The following OR9Q1 variants were observed in gnomAD, a reference collection of about 807,000 sequenced individuals.
The protein encoded by OR9Q1 is olfactory receptor family 9 subfamily Q member 1, also known as olfactory receptor 9Q1.
For missense variants in OR9Q1, 374 were observed against 378.8 expected, an observed-to-expected ratio of 0.99 and a Z score of 0.11; for synonymous variants, 153 against 148.6, an observed-to-expected ratio of 1.03 and a Z score of -0.22.
chr11:58,156,093 A>G (rs1854405120), intron 2 of OR9Q1, among the ~76,000 whole-genome samples: 2 of 151,796 alleles, frequency 1.3e-5, no homozygotes, highest in African/African-American at 4.8e-5. Flanking sequence ...TTGTACTTTT[A>G]GTAGATGTGG....
At chr11:58,118,957 G>A in intron 2 of OR9Q1, 2 of 1,613,912 alleles carry the variant, frequency 1.2e-6, no homozygotes, top group South Asian at 2.2e-5. Flanking sequence ...GAGGGTGAAG[G>A]TGCAAGTGGT....
intron 2 of OR9Q1, among the ~76,000 whole-genome samples, chr11:58,156,703 T>C (rs942832141): frequency 5.3e-5 from 8 of 152,238 alleles, no homozygotes; most frequent in Non-Finnish European, 1.2e-4. Flanking sequence ...GGAGACAAGA[T>C]TCCCTGAGAC....
chr11:58,145,728 A>AT (rs568057551), intron 2 of OR9Q1, among the ~76,000 whole-genome samples: 7 of 151,978 alleles, frequency 4.6e-5, no homozygotes, highest in Non-Finnish European at 7.4e-5. Context: ...CAAAATATAG[A>AT]TTTTTTTTCT....
chr11:58,036,195 A>C (rs1385170281), intron 1 of OR9Q1, among the ~76,000 whole-genome samples: 1 of 152,176 alleles, frequency 6.6e-6, no homozygotes, highest in African/African-American at 2.4e-5. Flanking sequence ...AACTTAACTG[A>C]TAAATATGTG....
At chr11:58,139,127 C>A (rs1854217685) in intron 2 of OR9Q1, among the ~76,000 whole-genome samples, 1 of 151,886 alleles carries the variant, frequency 6.6e-6, no homozygotes, top group Non-Finnish European at 1.5e-5. Flanking sequence ...AAGAAAATAG[C>A]AAATATTAAC....
intron 1 of OR9Q1, among the ~76,000 whole-genome samples, chr11:58,036,019 G>A (rs1226812716): frequency 1.3e-5 from 2 of 149,474 alleles, no homozygotes; most frequent in African/African-American, 2.5e-5. Flanking sequence ...TTTTTCAATA[G>A]CATGTGCTCA....
At chr11:58,082,987 T>G (rs962258170) in intron 2 of OR9Q1, among the ~76,000 whole-genome samples, 10 of 151,434 alleles carry the variant, frequency 6.6e-5, no homozygotes, top group African/African-American at 2.2e-4. Flanking sequence ...AATGATAGTT[T>G]CTTTTGCTAT....
At chr11:58,139,890 A>C (rs1208872690) in intron 2 of OR9Q1, among the ~76,000 whole-genome samples, 10 of 151,704 alleles carry the variant, frequency 6.6e-5, no homozygotes, top group Non-Finnish European at 1.3e-4. Context: ...ACTAGTTTAC[A>C]GTCCCACCAA....
At chr11:58,156,519 A>G (rs3019059) in intron 2 of OR9Q1, among the ~76,000 whole-genome samples, 58,254 of 152,104 alleles carry the variant, frequency 0.38, 11,486 homozygotes, top group Admixed American at 0.45. Context: ...CTAATTCAGA[A>G]TGGTTTTCTT....
At chr11:58,168,521 C>T (rs187230852) in intron 2 of OR9Q1, among the ~76,000 whole-genome samples, 1 of 152,206 alleles carries the variant, frequency 6.6e-6, no homozygotes, top group Admixed American at 6.5e-5. Context: ...AGCATTCCTT[C>T]TCATAATTTA....
chr11:58,173,752 G>A (rs1252835139), intron 2 of OR9Q1, among the ~76,000 whole-genome samples: 2 of 152,068 alleles, frequency 1.3e-5, no homozygotes, highest in African/African-American at 2.4e-5. Context: ...GAATTGCTGT[G>A]GACCCACTGT....
chr11:58,092,488 T>G (rs1158016377), intron 2 of OR9Q1, among the ~76,000 whole-genome samples: 6 of 152,096 alleles, frequency 3.9e-5, no homozygotes, highest in Admixed American at 3.9e-4. Context: ...AAAAAATGAT[T>G]GTTGCTATCA....
chr11:58,048,469 G>A (rs1300572770), intron 1 of OR9Q1, among the ~76,000 whole-genome samples: 1 of 146,162 alleles, frequency 6.8e-6, no homozygotes, highest in African/African-American at 2.5e-5. Context: ...TGGCCAACAT[G>A]GTGAAACCCC....
In OR9Q1 at chr11:58,031,520, G is replaced by A. The variant is rs138150965; in HGVS notation, c.-93+7416G>A. 6.5e-4 allele frequency: 1,042 copies of A among 1,614,112 alleles called. 12 individuals are homozygous for A. In the East Asian group the frequency reaches 0.019, roughly 29 times the overall value. On this transcript the variant is annotated intron_variant, in intron 1 of 2. Transcript: ENST00000335397. Reference sequence around the variant, plus strand: ...CTCCTGTGATGCCTCACCCTTGCTAGCCTTGTCGTGCTCAGATGTCACTTG... The same window carrying A: ...CTCCTGTGATGCCTCACCCTTGCTAACCTTGTCGTGCTCAGATGTCACTTG...
rs1854109128 is a variant in OR9Q1, at chr11:58,128,341, A to G, written c.-14-51090A>G. Among the ~76,000 whole-genome samples the G allele has an allele frequency of 2.0e-5, 3 of 152,022 alleles. No homozygotes were observed. The South Asian group carries it at 6.2e-4, about 32-fold the overall frequency. On this transcript the variant is annotated intron_variant, in intron 2 of 2. Coordinates refer to ENST00000335397, the MANE Select transcript of OR9Q1 (RefSeq NM_001005212.4). The stretch of plus-strand genomic sequence containing the variant: ...CTATAAAGCTTTAATAATTAAAGCA[A>G]TCTTTTTCAGATGTAAGAATTGGTA...
intron 1 of OR9Q1, among the ~76,000 whole-genome samples, chr11:58,040,175 T>A (rs923839203): frequency 4.6e-5 from 7 of 152,184 alleles, no homozygotes; most frequent in Admixed American, 4.6e-4. Context: ...GTAAATTGGT[T>A]CCCTCTCCTG....
chr11:58,080,903 G>A (rs1170417404), intron 2 of OR9Q1, among the ~76,000 whole-genome samples: 1 of 152,064 alleles, frequency 6.6e-6, no homozygotes, highest in Non-Finnish European at 1.5e-5. Context: ...GTGCCATGTT[G>A]GTTTGCTGCA....
At chr11:58,093,085 T>C (rs1293993070) in intron 2 of OR9Q1, among the ~76,000 whole-genome samples, 2 of 152,184 alleles carry the variant, frequency 1.3e-5, no homozygotes, top group African/African-American at 2.4e-5. Context: ...ATTTGAGCAA[T>C]TATAGCTTCT....
At chr11:58,145,818 A>T (rs1854294696) in intron 2 of OR9Q1, among the ~76,000 whole-genome samples, 1 of 152,086 alleles carries the variant, frequency 6.6e-6, no homozygotes, top group Admixed American at 6.6e-5. Context: ...GCCTAGCATG[A>T]TTACAAAACA....
Sources: gnomAD v4.1 joint callset for allele counts (sites outside exome capture counted in the v4.1 genomes callset) on GRCh38, gnomAD v4.1.1 for gene constraint, MANE v1.5 for transcripts, NCBI Gene and HGNC (gene_info 2026-07-23, HGNC 2026-07-21) for gene names.